PRDM16: variants seen among roughly 807,000 people sequenced by gnomAD.
PRDM16 encodes PR/SET domain 16.
In PRDM16, 23 loss-of-function variants were observed where a neutral mutation model predicts 110.6. That is an observed-to-expected ratio of 0.21 (90% CI 0.15 to 0.29). PRDM16 has a LOEUF of 0.29. Among genes scored for constraint, PRDM16 ranks in the 10% least tolerant of loss-of-function variants. PRDM16 has a pLI of 1.00. For synonymous variants in PRDM16, 799 were observed against 781.8 expected, an observed-to-expected ratio of 1.02 and a Z score of -0.37; for missense variants, 1,615 against 1,794.3, an observed-to-expected ratio of 0.90 and a Z score of 1.81.
At chr1:3,257,139 T>C (rs1305093779) in intron 3 of PRDM16, among the ~76,000 whole-genome samples, 2 of 152,226 alleles carry the variant, frequency 1.3e-5, no homozygotes, top group Non-Finnish European at 2.9e-5. Context: ...CAATGAACAC[T>C]GGTAGTACCT....
intron 2 of PRDM16, among the ~76,000 whole-genome samples, chr1:3,219,105 C>G (rs530350092): frequency 1.3e-5 from 2 of 152,348 alleles, no homozygotes; most frequent in South Asian, 2.1e-4. Flanking sequence ...AGGGGCACCC[C>G]AGGGTGGGCA....
chr1:3,289,690 G>A (rs904523508), intron 3 of PRDM16, among the ~76,000 whole-genome samples: 5 of 152,184 alleles, frequency 3.3e-5, no homozygotes, highest in African/African-American at 7.2e-5. Context: ...GGGAGGGAAC[G>A]GCACAGGCAA....
chr1:3,294,106 A>G (rs1462813271), intron 3 of PRDM16, among the ~76,000 whole-genome samples: 2 of 152,154 alleles, frequency 1.3e-5, no homozygotes, highest in Non-Finnish European at 2.9e-5. Context: ...GTCAGAAATG[A>G]TGGTACCTAC....
At chr1:3,369,714 G>A (rs866436852) in intron 3 of PRDM16, among the ~76,000 whole-genome samples, 2 of 152,236 alleles carry the variant, frequency 1.3e-5, no homozygotes, top group African/African-American at 4.8e-5. Context: ...CCAAAAGGAG[G>A]CCCAGGCCAG....
At position 3,243,983 on chromosome 1, in the gene PRDM16, T is replaced by G. The variant is rs544636521; in HGVS notation, c.388-104T>G. The G allele has an allele frequency of 4.3e-6, 5 of 1,153,314 alleles. No individual in the cohort carries two copies. In the Admixed American group the frequency reaches 5.1e-5, roughly 12 times the overall value. 71.4% of individuals were successfully genotyped at this position (1,153,314 alleles called of 1,614,324 possible). ...GTGGAGAAGCCACTGGGTCCCACCC[T>G]GTGACTTTTGGGGACAGTGGTTCTG... On this transcript the variant is annotated intron_variant, in intron 2 of 16. Coordinates refer to ENST00000270722, the MANE Select transcript of PRDM16 (RefSeq NM_022114.4). This position sits in a 1 kb window ranked among gnomAD's most constrained non-coding sequence, Gnocchi z 5.5.
At chr1:3,124,323 G>T (rs1233580285) in intron 1 of PRDM16, among the ~76,000 whole-genome samples, 1 of 152,242 alleles carries the variant, frequency 6.6e-6, no homozygotes, top group Non-Finnish European at 1.5e-5. Context: ...GGCCCAGACA[G>T]TCTCCTGTTT....
chr1:3,218,546 T>A (rs1377065428), intron 2 of PRDM16, among the ~76,000 whole-genome samples: 5 of 152,204 alleles, frequency 3.3e-5, no homozygotes, highest in Admixed American at 2.6e-4. Flanking sequence ...GTGGGGCCTG[T>A]CTCTTCACCA....
intron 1 of PRDM16, 41 bp from the exon 2 acceptor site, chr1:3,186,084 G>C: frequency 6.6e-7 from 1 of 1,521,754 alleles, no homozygotes; most frequent in Non-Finnish European, 9.1e-7. Flanking sequence ...CACTGGGTGG[G>C]GCACGTGCTG....
chr1:3,363,679 C>T (rs1034758212), intron 3 of PRDM16, among the ~76,000 whole-genome samples: 4 of 152,086 alleles, frequency 2.6e-5, no homozygotes, highest in Admixed American at 6.5e-5. Context: ...CCACAGTGGC[C>T]GGGGGGCAGG....
intron 1 of PRDM16, among the ~76,000 whole-genome samples, chr1:3,181,834 T>A (rs370145000): frequency 0.14 from 4,219 of 31,238 alleles, 134 homozygotes; most frequent in Admixed American, 0.2. Flanking sequence ...TCTTACACAT[T>A]CAGTCTTACA....
At chr1:3,091,372 C>T (rs550681865) in intron 1 of PRDM16, among the ~76,000 whole-genome samples, 51 of 152,296 alleles carry the variant, frequency 3.3e-4, no homozygotes, top group Non-Finnish European at 5.3e-4. Context: ...CGCACCGAGA[C>T]GACAGCATCT....
chr1:3,304,266 A>G (rs960492862), intron 3 of PRDM16, among the ~76,000 whole-genome samples: 3 of 151,854 alleles, frequency 2.0e-5, no homozygotes, highest in Non-Finnish European at 1.5e-5. Context: ...GGGCTCTTTA[A>G]TCCTTGGGGA....
At chr1:3,299,125 T>A (rs998004221) in intron 3 of PRDM16, among the ~76,000 whole-genome samples, 7 of 152,228 alleles carry the variant, frequency 4.6e-5, no homozygotes, top group Non-Finnish European at 7.3e-5. Flanking sequence ...CCGTGATGTT[T>A]CCGATCCCAG....
chr1:3,394,758 G>A lies in PRDM16; in HGVS notation c.574-1733G>A, dbSNP rs80057889. Among the ~76,000 whole-genome samples, 1,083 of 152,288 alleles carry A rather than the reference G, an allele frequency of 7.1e-3. 11 individuals carry two copies. Among genetic ancestry groups the A allele is most frequent in the African/African-American group, 0.025 (1,024 of 41,562 alleles). On this transcript the variant is annotated intron_variant, in intron 4 of 16. Coordinates refer to ENST00000270722, the MANE Select transcript of PRDM16 (RefSeq NM_022114.4). The stretch of plus-strand genomic sequence containing the variant: ...TCACCCGGGCTTTGTCCCAGCTGGC[G>A]CTTCTCATCCCGCACTTTGGGCCCG...
intron 1 of PRDM16, among the ~76,000 whole-genome samples, chr1:3,109,424 G>C (rs188874928): frequency 1.5e-4 from 23 of 152,258 alleles, no homozygotes; most frequent in Non-Finnish European, 3.4e-4. Flanking sequence ...GCAGGCTGAG[G>C]CTCTCTCTCC....
chr1:3,415,943 A>G (rs1358361435), intron 10 of PRDM16, among the ~76,000 whole-genome samples: 1 of 152,234 alleles, frequency 6.6e-6, no homozygotes, highest in Non-Finnish European at 1.5e-5. Flanking sequence ...CGGGCTGCGG[A>G]GGGGCTGGTG....
intron 3 of PRDM16, among the ~76,000 whole-genome samples, chr1:3,336,277 T>A (rs370063016): frequency 6.6e-6 from 1 of 151,956 alleles, no homozygotes; most frequent in African/African-American, 2.4e-5. Flanking sequence ...TAGGCATGTT[T>A]ATCTCTGTGT....
chr1:3,211,004 T>C (rs1243993177), intron 2 of PRDM16, among the ~76,000 whole-genome samples: 1 of 152,248 alleles, frequency 6.6e-6, no homozygotes, highest in African/African-American at 2.4e-5. Context: ...TATTCACTCA[T>C]TAGGCATGTA....
intron 3 of PRDM16, among the ~76,000 whole-genome samples, chr1:3,289,827 GCTCCCACCCAGGAGTCAGGACCCCA>G (rs879781859): frequency 1.3e-5 from 2 of 151,990 alleles, no homozygotes; most frequent in Non-Finnish European, 2.9e-5. Flanking sequence ...CCGGGGCCCC[GCTCCCACCCAGGAGTCAGGACCCCA>G]CTCCCTCCAG....
Sources: gnomAD v4.1 joint callset for allele counts (sites outside exome capture counted in the v4.1 genomes callset) on GRCh38, gnomAD v4.1.1 for gene constraint, Gnocchi (gnomAD v3.1) non-coding constraint, MANE v1.5 for transcripts, NCBI Gene and HGNC (gene_info 2026-07-23, HGNC 2026-07-21) for gene names.